Variants in RANBP2 observed in about 807,000 individuals in gnomAD.
The protein encoded by RANBP2 is RAN binding protein 2, also known as E3 SUMO-protein ligase RanBP2.
RANBP2 carries 57 observed loss-of-function variants against 303.6 expected under a neutral mutation model. The observed-to-expected ratio is 0.19, with a 90% CI of 0.15 to 0.23. The LOEUF is 0.23. Among genes scored for constraint, RANBP2 ranks in the 10% least tolerant of loss-of-function variants. The probability of loss-of-function intolerance (pLI) is 1.00; values close to 1 mark genes in which losing one functional copy is unlikely to be tolerated. For missense variants in RANBP2, 3,138 were observed against 3,780.8 expected, an observed-to-expected ratio of 0.83 and a Z score of 4.46; for synonymous variants, 1,167 against 1,301.5, an observed-to-expected ratio of 0.90 and a Z score of 2.23.
chr2:108,759,346 T>G (rs1159493600), intron 18 of RANBP2, among the ~76,000 whole-genome samples: 2 of 152,210 alleles, frequency 1.3e-5, no homozygotes, highest in Non-Finnish European at 1.5e-5. Context: ...TACAGCTAGT[T>G]ATTGATAGAG....
At chr2:108,909,320 C>A in the RANBP2 span, among the ~76,000 whole-genome samples, 1 of 152,210 alleles carries the variant, frequency 6.6e-6, no homozygotes, top group South Asian at 2.1e-4. Context: ...TCTAGGGAGG[C>A]CCTATTTAAG....
At chr2:108,945,248 G>T in the RANBP2 span, among the ~76,000 whole-genome samples, 1 of 152,242 alleles carries the variant, frequency 6.6e-6, no homozygotes. Flanking sequence ...CCAATGGGAT[G>T]CTATGCCACT....
chr2:108,951,541 A>T, the RANBP2 span, among the ~76,000 whole-genome samples: 1 of 152,192 alleles, frequency 6.6e-6, no homozygotes, highest in Non-Finnish European at 1.5e-5. Context: ...ATGTGTGTTT[A>T]AATTTATTGT....
At chr2:109,413,016 A>G in the RANBP2 span, among the ~76,000 whole-genome samples, 2 of 152,236 alleles carry the variant, frequency 1.3e-5, no homozygotes, top group South Asian at 2.1e-4. Context: ...CCAGCCCCAC[A>G]CCCTGGAACT....
the RANBP2 span, among the ~76,000 whole-genome samples, chr2:109,625,558 C>T: frequency 6.6e-6 from 1 of 151,264 alleles, no homozygotes; most frequent in East Asian, 1.9e-4. Context: ...CCCAGCTACT[C>T]GGAAGTCTGA....
the RANBP2 span, among the ~76,000 whole-genome samples, chr2:109,401,682 C>T: frequency 1.3e-5 from 2 of 152,220 alleles, no homozygotes; most frequent in Admixed American, 1.3e-4. Flanking sequence ...TTCCCACAGG[C>T]CCCTGAGATG....
the RANBP2 span, among the ~76,000 whole-genome samples, chr2:109,203,616 G>A: frequency 1.3e-5 from 2 of 152,068 alleles, no homozygotes; most frequent in African/African-American, 4.8e-5. Flanking sequence ...CCCTTTGCAC[G>A]ACAAGCATCG....
the RANBP2 span, among the ~76,000 whole-genome samples, chr2:109,438,526 C>T: frequency 6.6e-6 from 1 of 152,210 alleles, no homozygotes; most frequent in South Asian, 2.1e-4. Flanking sequence ...ACTCTGCCAT[C>T]TCAGATTCTG....
chr2:109,289,539 C>G, the RANBP2 span, among the ~76,000 whole-genome samples: 1 of 152,138 alleles, frequency 6.6e-6, no homozygotes, highest in African/African-American at 2.4e-5. Context: ...GTGTAAGGAT[C>G]TTAGCAATTA....
At chr2:109,298,239 C>A in the RANBP2 span, among the ~76,000 whole-genome samples, 1 of 152,154 alleles carries the variant, frequency 6.6e-6, no homozygotes, top group African/African-American at 2.4e-5. Context: ...GGAGAGCAGG[C>A]AGGAGCATGA....
the RANBP2 span, among the ~76,000 whole-genome samples, chr2:109,179,003 A>ATAATGTGTGTGTGTG: frequency 7.0e-6 from 1 of 142,066 alleles, no homozygotes. Context: ...AAGTATAATA[A>ATAATGTGTGTGTGTG]TGTGTGTGTG....
chr2:108,721,547 G>C lies in RANBP2; in HGVS notation c.72+1869G>C, dbSNP rs12468118. ...CTTCCGCCTCCCCAGCTCAAGCGAT[G>C]CTCCCACCTCAGTCTCCCGAGTAGT... On this transcript the variant is annotated intron_variant, in intron 1 of 28. Transcript: ENST00000283195. Among the ~76,000 whole-genome samples the C allele has an allele frequency of 7.2e-5, 11 of 152,202 alleles. 1 individual carries two copies. The highest frequency in any genetic ancestry group is 1.9e-4 in the African/African-American group (8 of 41,518).
chr2:109,506,287 C>T, the RANBP2 span, among the ~76,000 whole-genome samples: 16,415 of 152,218 alleles, frequency 0.11, 1,288 homozygotes, highest in African/African-American at 0.22. Context: ...TGCGGAGGGG[C>T]GTTGAGTCTT....
the RANBP2 span, among the ~76,000 whole-genome samples, chr2:109,489,758 G>A: frequency 2.8e-5 from 4 of 142,964 alleles, no homozygotes; most frequent in African/African-American, 5.1e-5. Flanking sequence ...GGGCGGGGGG[G>A]ACGGAGTCTC....
At chr2:109,500,145 A>G in the RANBP2 span, among the ~76,000 whole-genome samples, 2 of 151,794 alleles carry the variant, frequency 1.3e-5, no homozygotes, top group Non-Finnish European at 2.9e-5. Context: ...TCAGGCAGGC[A>G]CTTTAAAGGG....
At chr2:109,152,551 T>C in the RANBP2 span, among the ~76,000 whole-genome samples, 193 of 152,390 alleles carry the variant, frequency 1.3e-3, no homozygotes, top group Non-Finnish European at 2.3e-3. Context: ...GTTCACTGCA[T>C]GGAAATTGGA....
At chr2:109,294,013 G>T in the RANBP2 span, among the ~76,000 whole-genome samples, 1 of 152,196 alleles carries the variant, frequency 6.6e-6, no homozygotes, top group Admixed American at 6.5e-5. Flanking sequence ...GCAGCTGGTT[G>T]TGTCACATCC....
At chr2:109,128,906 C>T in the RANBP2 span, 1 of 333,482 alleles carries the variant, frequency 3.0e-6, no homozygotes, top group Non-Finnish European at 6.2e-6. Flanking sequence ...TGCGCCCAAG[C>T]GAAGGGAAGT....
rs760953780 is a variant in RANBP2, at chr2:108,781,375, A to G, written c.8706A>G (p.Glu2902=). Reference sequence around the variant, plus strand: ...GTGAAGATGAAGATGGTAGTGATGAAGAAGTAGTTCATAATGAAGATATCC... The same window carrying G: ...GTGAAGATGAAGATGGTAGTGATGAGGAAGTAGTTCATAATGAAGATATCC... The part of the protein sequence containing the change: ...KVGEDEDGSD[E]EVVHNEDIHF... Residue 2902 remains glutamate, a synonymous_variant, in exon 26 of 29, where the codon GAA becomes GAG. Transcript: ENST00000283195. 6 of 1,614,078 alleles carry G rather than the reference A, an allele frequency of 3.7e-6. No homozygotes were observed. The South Asian group carries it at 5.5e-5, about 15-fold the overall frequency.
Sources: gnomAD v4.1 joint callset for allele counts (sites outside exome capture counted in the v4.1 genomes callset) on GRCh38, gnomAD v4.1.1 for gene constraint, MANE v1.5 for transcripts, NCBI Gene and HGNC (gene_info 2026-07-23, HGNC 2026-07-21) for gene names.